Variants in PTK2 observed in about 807,000 individuals in gnomAD.
The protein encoded by PTK2 is focal adhesion kinase 1.
Under a neutral mutation model 150.1 loss-of-function variants are expected in PTK2, and 45 were observed. The ratio of observed to expected loss-of-function variants is 0.30; its 90% CI spans 0.24 to 0.38. The LOEUF (loss-of-function observed/expected upper bound fraction) is 0.38, where lower values mean the gene tolerates loss of function less well. Among genes scored for constraint, PTK2 ranks in the 10% least tolerant of loss-of-function variants. The pLI is 1.00. For missense variants in PTK2, 919 were observed against 1,307.3 expected (o/e 0.70, Z 4.58); for synonymous variants, 432 against 449.2 (o/e 0.96, Z 0.48).
chr8:140,734,860 C>T (rs541261445), intron 22 of PTK2: 45 of 467,038 alleles, frequency 9.6e-5, no homozygotes, highest in Non-Finnish European at 1.7e-4. Flanking sequence ...CATGTGAAAA[C>T]GCAGTGAGCT....
At chr8:140,838,683 AACAG>A (rs1366259433) in intron 7 of PTK2, among the ~76,000 whole-genome samples, 1 of 152,156 alleles carries the variant, frequency 6.6e-6, no homozygotes, top group Non-Finnish European at 1.5e-5. Flanking sequence ...CAGATTTAAA[AACAG>A]AATTTTATTA....
At chr8:140,929,352 G>C (rs1287083150) in intron 1 of PTK2, among the ~76,000 whole-genome samples, 1 of 152,104 alleles carries the variant, frequency 6.6e-6, no homozygotes, top group African/African-American at 2.4e-5. Context: ...ATATAATTAT[G>C]TTTACTTTTA....
intron 5 of PTK2, among the ~76,000 whole-genome samples, chr8:140,854,189 A>G (rs549811924): frequency 2.4e-4 from 37 of 152,346 alleles, no homozygotes; most frequent in African/African-American, 8.7e-4. Context: ...AATGTCATTT[A>G]AAAGTTAATG....
At chr8:140,840,799 T>C (rs960585990) in intron 7 of PTK2, among the ~76,000 whole-genome samples, 4 of 152,112 alleles carry the variant, frequency 2.6e-5, no homozygotes, top group Non-Finnish European at 2.9e-5. Flanking sequence ...AACCTGTCAG[T>C]TCAAAGAAAC....
intron 4 of PTK2, among the ~76,000 whole-genome samples, chr8:140,878,220 C>T (rs1445292365): frequency 6.6e-6 from 1 of 152,132 alleles, no homozygotes; most frequent in African/African-American, 2.4e-5. Context: ...ATTTTGTTAG[C>T]TTGGTACCAG....
intron 10 of PTK2, among the ~76,000 whole-genome samples, chr8:140,811,922 G>A (rs2100101807): frequency 6.6e-6 from 1 of 152,204 alleles, no homozygotes; most frequent in Non-Finnish European, 1.5e-5. Flanking sequence ...TATGTAAAGA[G>A]ACCAAATCTA....
intron 1 of PTK2, among the ~76,000 whole-genome samples, chr8:140,969,036 C>T (rs1038728245): frequency 3.9e-5 from 6 of 152,190 alleles, no homozygotes; most frequent in African/African-American, 1.4e-4. Flanking sequence ...AAGCACATTG[C>T]ACCCTGTCAC....
intron 13 of PTK2, 42 bp from the exon 14 acceptor site, chr8:140,789,568 C>A: frequency 6.3e-7 from 1 of 1,594,896 alleles, no homozygotes. Context: ...TGCAATTTCC[C>A]CAGGACCCCG....
At chr8:140,803,001 C>T (rs1046578761) in intron 11 of PTK2, among the ~76,000 whole-genome samples, 1 of 124,632 alleles carries the variant, frequency 8.0e-6, no homozygotes, top group African/African-American at 3.1e-5. Context: ...TACTTGATGA[C>T]AATCTTTTTT....
At chr8:140,946,015 C>T (rs1011050896) in intron 1 of PTK2, among the ~76,000 whole-genome samples, 4 of 152,118 alleles carry the variant, frequency 2.6e-5, no homozygotes, top group African/African-American at 9.7e-5. Context: ...GTTTCTCCAC[C>T]CTGGTACCAT....
intron 2 of PTK2, among the ~76,000 whole-genome samples, chr8:140,916,210 T>C (rs972686999): frequency 5.9e-5 from 9 of 152,236 alleles, no homozygotes; most frequent in Non-Finnish European, 1.2e-4. Flanking sequence ...TAAAGGCTGA[T>C]TCACTCCTCT....
intron 1 of PTK2, among the ~76,000 whole-genome samples, chr8:140,932,366 C>A (rs916693621): frequency 1.3e-5 from 2 of 152,070 alleles, no homozygotes; most frequent in Non-Finnish European, 2.9e-5. Flanking sequence ...AGGCGCCCAC[C>A]ACCACACCCA....
rs565812143 is a variant in PTK2 at position 140,814,090 on chromosome 8, C to T, written c.867+4187G>A. 5.9e-5 allele frequency among the ~76,000 whole-genome samples: 9 copies of T among 152,226 alleles called. No individual in the cohort carries two copies. The South Asian group carries it at 1.0e-3, about 18-fold the overall frequency. ...AAATTCCTGGGCATATAAACCCTCC[C>T]AAGACTGAGCCAGGAAGAAACTGAA... On this transcript the variant is annotated intron_variant, in intron 10 of 31. Transcript: ENST00000522684.
chr8:140,921,843 G>A (rs1232483684), intron 2 of PTK2, among the ~76,000 whole-genome samples: 9 of 152,190 alleles, frequency 5.9e-5, no homozygotes, highest in Non-Finnish European at 1.3e-4. Flanking sequence ...GAGCTACTTA[G>A]TTTTTCCATT....
At chr8:140,733,807 T>C (rs2100050965) in intron 22 of PTK2, among the ~76,000 whole-genome samples, 1 of 152,166 alleles carries the variant, frequency 6.6e-6, no homozygotes, top group African/African-American at 2.4e-5. Context: ...CCTTGAAAAG[T>C]AGAACCAGGC....
exon 18 of PTK2, chr8:140,746,792 A>G (rs190197836): frequency 6.2e-7 from 1 of 1,613,472 alleles, no homozygotes; most frequent in Admixed American, 1.7e-5. Flanking sequence ...ATGATTATCC[A>G]GACAGGATTC....
intron 4 of PTK2, among the ~76,000 whole-genome samples, chr8:140,868,137 C>T (rs186633748): frequency 1.3e-5 from 2 of 152,186 alleles, no homozygotes; most frequent in African/African-American, 4.8e-5. Context: ...CACTAAGACA[C>T]CCAAAAGTAA....
rs115265315 is a variant in PTK2, at chr8:140,992,831, A to G, written c.-122+8294T>C. 7.4e-3 allele frequency among the ~76,000 whole-genome samples: 1,124 copies of G among 152,336 alleles called. 11 individuals carry two copies. Among genetic ancestry groups the G allele is most frequent in the African/African-American group, 0.025 (1,040 of 41,582 alleles). ...TTATCTGAACAGCAGCACAGCAGCA[A>G]AAGACTCTGAACAAGGTCAAGGATG... On this transcript the variant is annotated intron_variant, in intron 1 of 31. Transcript: ENST00000522684.
chr8:140,807,896 C>A (rs1357417044), intron 10 of PTK2, among the ~76,000 whole-genome samples: 1 of 152,088 alleles, frequency 6.6e-6, no homozygotes, highest in Non-Finnish European at 1.5e-5. Context: ...TCAGAATTAC[C>A]CAGTGGGCTT....
Sources: allele counts gnomAD v4.1 joint callset (sites outside exome capture counted in the v4.1 genomes callset), GRCh38; gene constraint gnomAD v4.1.1; transcripts MANE v1.5; gene names NCBI Gene and HGNC (gene_info 2026-07-23, HGNC 2026-07-21).